Variants in NACC2 observed in about 807,000 individuals in gnomAD.
NACC2 encodes the protein NACC family member 2.
A neutral mutation model predicts 25.1 loss-of-function variants in NACC2; 8 were observed. The observed-to-expected ratio is 0.32, with a 90% CI of 0.19 to 0.57. The LOEUF is 0.57. NACC2 is among the 20% of genes least tolerant of loss of function. The probability of loss-of-function intolerance (pLI) is 0.89; values close to 1 mark genes in which losing one functional copy is unlikely to be tolerated. For synonymous variants in NACC2, 435 were observed against 294.7 expected (o/e 1.48, Z -4.88); for missense variants, 644 against 650.2 (o/e 0.99, Z 0.10).
rs1212231697 is a variant in NACC2 at position 136,007,972 on chromosome 9, CA to C, written c.*3543del. On this transcript the variant is annotated 3_prime_UTR_variant, in exon 6 of 6. Coordinates refer to ENST00000277554, the MANE Select transcript of NACC2 (RefSeq NM_144653.5). ...TCCTCCTGGCTCTAAACACAAATGC[CA>C]AAGAATGACTCTTCCTGGAGGAGAA... 6.6e-6 allele frequency: 1 copy of C among 152,270 alleles called. No individual in the cohort carries two copies. Among genetic ancestry groups the C allele is most frequent in the Admixed American group, 6.5e-5 (1 of 15,280 alleles). 9.4% of individuals were successfully genotyped at this position (152,270 alleles called of 1,614,324 possible). A position where few individuals can be genotyped will look rare whatever the true frequency, so the allele number is the denominator to read the frequency against.
At chr9:136,090,184 G>T (rs140664773) in intron 1 of NACC2, among the ~76,000 whole-genome samples, 166 of 152,372 alleles carry the variant, frequency 1.1e-3, no homozygotes, top group Non-Finnish European at 1.9e-3. Flanking sequence ...GGTGGTAGAA[G>T]GGAGATGGGC....
In NACC2 at chr9:136,048,644, C is replaced by T. The variant is rs1257480536; in HGVS notation, c.886+992G>A. On this transcript the variant is annotated intron_variant, in intron 2 of 5. Transcript: ENST00000277554. ...GCAAGGCAGTGGCTTCTCCTGCAGG[C>T]GGAGAGGGAGCCAGGTTGGCCAAAG... Among the ~76,000 whole-genome samples, 4 of 152,206 alleles carry T rather than the reference C, an allele frequency of 2.6e-5. No individual in the cohort carries two copies. In the East Asian group the frequency reaches 7.7e-4, roughly 29 times the overall value.
chr9:136,067,484 T>TGTTCTCTGAACACCGCAGGTGATTTTGTC (rs1841099311), intron 1 of NACC2, among the ~76,000 whole-genome samples: 1 of 152,164 alleles, frequency 6.6e-6, no homozygotes, highest in African/African-American at 2.4e-5. Context: ...GTGATTTTGT[T>TGTTCTCTGAACACCGCAGGTGATTTTGTC]GTTCTCTGAA....
chr9:136,070,133 G>T (rs566520511), intron 1 of NACC2, among the ~76,000 whole-genome samples: 1 of 151,956 alleles, frequency 6.6e-6, no homozygotes, highest in Non-Finnish European at 1.5e-5. Context: ...ACTAGAAATC[G>T]TAACAAAGGT....
At chr9:136,048,701 A>G (rs939612) in intron 2 of NACC2, among the ~76,000 whole-genome samples, 102,044 of 152,190 alleles carry the variant, frequency 0.67, 34,346 homozygotes, top group Non-Finnish European at 0.7. Context: ...GGCTGTGGTG[A>G]CAGACGCTGC....
intron 2 of NACC2, among the ~76,000 whole-genome samples, chr9:136,043,104 G>A (rs1398138400): frequency 6.6e-6 from 1 of 152,164 alleles, no homozygotes; most frequent in Non-Finnish European, 1.5e-5. Context: ...AAAAGCACTA[G>A]CCGTAAAATA....
At chr9:136,024,372 GT>G in intron 2 of NACC2, among the ~76,000 whole-genome samples, 1 of 142,042 alleles carries the variant, frequency 7.0e-6, no homozygotes, top group African/African-American at 2.9e-5. Flanking sequence ...AGGACAGAAG[GT>G]GTGTGTGTGA....
intron 2 of NACC2, 85 bp downstream of exon 2, chr9:136,049,551 G>GC (rs1840783021): frequency 1.5e-6 from 1 of 673,048 alleles, no homozygotes; most frequent in Non-Finnish European, 2.7e-6. Context: ...CAGGCCTCCG[G>GC]CCCAGTGGCC....
At chr9:136,024,126 G>A (rs570088083) in intron 2 of NACC2, among the ~76,000 whole-genome samples, 11 of 151,068 alleles carry the variant, frequency 7.3e-5, no homozygotes, top group East Asian at 3.9e-4. Context: ...CAGAGGGTGC[G>A]TGTGAGGACA....
At chr9:136,070,686 A>C (rs1169857554) in intron 1 of NACC2, among the ~76,000 whole-genome samples, 2 of 150,772 alleles carry the variant, frequency 1.3e-5, no homozygotes, top group East Asian at 1.9e-4. Flanking sequence ...AAAAACAAAA[A>C]CCAAAAACTT....
rs1463059725 is a variant in NACC2, at chr9:136,031,380, C to T, written c.887-14951G>A. ...TGAGATAGAGTCTTGCTCCATCACC[C>T]AGGCTGGGGTGCAGTGGCACAATCT... On this transcript the variant is annotated intron_variant, in intron 2 of 5. Transcript: ENST00000277554. Among the ~76,000 whole-genome samples the T allele has an allele frequency of 7.4e-5, 11 of 148,788 alleles. No homozygotes were observed. In the Admixed American group the frequency reaches 7.5e-4, roughly 10 times the overall value.
At chr9:136,079,124 T>C (rs1830295577) in intron 1 of NACC2, among the ~76,000 whole-genome samples, 1 of 152,124 alleles carries the variant, frequency 6.6e-6, no homozygotes, top group Admixed American at 6.5e-5. Flanking sequence ...TACTCACGTA[T>C]GTCTGTGCGT....
At chr9:136,033,295 T>C (rs1840499904) in intron 2 of NACC2, among the ~76,000 whole-genome samples, 2 of 152,136 alleles carry the variant, frequency 1.3e-5, no homozygotes, top group South Asian at 2.1e-4. Context: ...TGTTTCTATA[T>C]ATTAGTAACA....
At chr9:136,080,557 G>A (rs1216251458) in intron 1 of NACC2, among the ~76,000 whole-genome samples, 2 of 151,850 alleles carry the variant, frequency 1.3e-5, no homozygotes, top group East Asian at 1.9e-4. Flanking sequence ...TAACAACAGC[G>A]AAACTCCATC....
chr9:136,090,309 AG>A (rs1222560920), intron 1 of NACC2, among the ~76,000 whole-genome samples: 1 of 152,170 alleles, frequency 6.6e-6, no homozygotes, highest in Non-Finnish European at 1.5e-5. Context: ...TCCGATCCAA[AG>A]GCAGGGCCAA....
intron 2 of NACC2, among the ~76,000 whole-genome samples, chr9:136,025,335 C>G (rs907472465): frequency 6.6e-6 from 1 of 151,980 alleles, no homozygotes; most frequent in African/African-American, 2.4e-5. Flanking sequence ...GATGTCCGGC[C>G]GTCCATAAGA....
At chr9:136,093,072 G>A (rs1830449806) in intron 1 of NACC2, among the ~76,000 whole-genome samples, 2 of 152,172 alleles carry the variant, frequency 1.3e-5, no homozygotes, top group African/African-American at 4.8e-5. Context: ...CAGGTCAGAG[G>A]CACAGACCTC....
At chr9:136,046,638 C>T (rs1449957671) in intron 2 of NACC2, among the ~76,000 whole-genome samples, 1 of 152,242 alleles carries the variant, frequency 6.6e-6, no homozygotes, top group Non-Finnish European at 1.5e-5. Context: ...CTCACACACC[C>T]ATGCATGGCG....
chr9:136,017,376 G>A (rs578028815), intron 2 of NACC2, among the ~76,000 whole-genome samples: 2 of 152,296 alleles, frequency 1.3e-5, no homozygotes, highest in East Asian at 1.9e-4. Context: ...CGTTCATGGA[G>A]GGCCAGGGCT....
Sources: allele counts gnomAD v4.1 joint callset (sites outside exome capture counted in the v4.1 genomes callset), GRCh38; gene constraint gnomAD v4.1.1; transcripts MANE v1.5; gene names NCBI Gene and HGNC (gene_info 2026-07-23, HGNC 2026-07-21).